The following SUMF1 variants were observed in gnomAD, a reference collection of about 807,000 sequenced individuals.
SUMF1 encodes sulfatase modifying factor 1.
SUMF1 carries 48 observed loss-of-function variants against 47.6 expected under a neutral mutation model. The ratio of observed to expected loss-of-function variants is 1.01; its 90% CI spans 0.80 to 1.28. The LOEUF is 1.28. Ranked by LOEUF, SUMF1 falls within the 50% of genes most tolerant of loss-of-function variation. SUMF1 has a pLI of 0.00. For missense variants in SUMF1, 571 were observed against 485.4 expected (o/e 1.18, Z -1.66); for synonymous variants, 230 against 192.1 (o/e 1.20, Z -1.63).
chr3:4,180,634 T>C (rs543841167), intron 8 of SUMF1, among the ~76,000 whole-genome samples: 15 of 144,636 alleles, frequency 1.0e-4, no homozygotes, highest in African/African-American at 3.3e-4. Context: ...ATGGCACATG[T>C]ATACCTATGT....
intron 8 of SUMF1, among the ~76,000 whole-genome samples, chr3:4,212,459 A>G (rs953468088): frequency 6.6e-6 from 1 of 152,180 alleles, no homozygotes; most frequent in Non-Finnish European, 1.5e-5. Context: ...ATGGGGAGAA[A>G]CAAGCACAAA....
intron 8 of SUMF1, among the ~76,000 whole-genome samples, chr3:4,215,125 G>A (rs973055472): frequency 1.3e-5 from 2 of 152,104 alleles, no homozygotes; most frequent in Non-Finnish European, 2.9e-5. Flanking sequence ...TATCCCTGAC[G>A]AACATCGATG....
intron 8 of SUMF1, among the ~76,000 whole-genome samples, chr3:4,327,576 A>G (rs1299040886): frequency 6.6e-6 from 1 of 151,632 alleles, no homozygotes; most frequent in Non-Finnish European, 1.5e-5. Flanking sequence ...ATATAATTAT[A>G]GCTGATAACA....
At chr3:4,204,190 T>G (rs75211881) in intron 8 of SUMF1, among the ~76,000 whole-genome samples, 1 of 152,230 alleles carries the variant, frequency 6.6e-6, no homozygotes, top group East Asian at 1.9e-4. Flanking sequence ...CAAAACTTCT[T>G]GGCTTTTGTT....
chr3:4,130,741 C>A (rs1693769558), intron 8 of SUMF1, among the ~76,000 whole-genome samples: 1 of 151,956 alleles, frequency 6.6e-6, no homozygotes, highest in Non-Finnish European at 1.5e-5. Context: ...TGCCTAGTGA[C>A]CCTATTTGGA....
At chr3:4,376,962 AT>A (rs1350829783) in intron 7 of SUMF1, among the ~76,000 whole-genome samples, 2 of 151,814 alleles carry the variant, frequency 1.3e-5, no homozygotes, top group African/African-American at 4.8e-5. Context: ...TGCCCAGCTA[AT>A]TTTTAAAAAT....
intron 3 of SUMF1, among the ~76,000 whole-genome samples, chr3:4,435,722 T>C (rs569081609): frequency 2.6e-4 from 40 of 152,228 alleles, no homozygotes; most frequent in African/African-American, 7.9e-4. Context: ...CCAGAAAAGA[T>C]TGTGAATCAA....
At chr3:4,277,159 G>A (rs928858161) in intron 8 of SUMF1, among the ~76,000 whole-genome samples, 1 of 152,094 alleles carries the variant, frequency 6.6e-6, no homozygotes. Context: ...CTGAACGTCT[G>A]TATTTTTATC....
At chr3:4,294,591 TCAA>T (rs542133758) in intron 8 of SUMF1, among the ~76,000 whole-genome samples, 4 of 152,070 alleles carry the variant, frequency 2.6e-5, no homozygotes, top group Admixed American at 2.0e-4. Flanking sequence ...AGAACCTGTC[TCAA>T]CAACAACAAC....
chr3:4,408,330 T>C (rs1043029948), intron 7 of SUMF1, among the ~76,000 whole-genome samples: 1 of 152,248 alleles, frequency 6.6e-6, no homozygotes, highest in Admixed American at 6.5e-5. Flanking sequence ...TTTGTTCTTT[T>C]TCTTTGGCTA....
rs566354170 is a variant in SUMF1 at position 4,053,457 on chromosome 3, G to T, written c.1191+15112C>A. Among the ~76,000 whole-genome samples, 43 of 152,292 alleles carry T rather than the reference G, an allele frequency of 2.8e-4. 1 individual carries two copies. In the South Asian group the frequency reaches 8.5e-3, roughly 30 times the overall value. On this transcript the variant is annotated intron_variant and NMD_transcript_variant, in intron 9 of 12. Coordinates refer to the SUMF1 transcript ENST00000448413. ...TGCTGTTGGATAAATGGCACCAATAGCCTTGCTTTACGCAAGGTTGCCACA... is the reference window on the plus strand; with the variant it reads ...TGCTGTTGGATAAATGGCACCAATATCCTTGCTTTACGCAAGGTTGCCACA...
intron 7 of SUMF1, among the ~76,000 whole-genome samples, chr3:4,392,038 G>A (rs1037956991): frequency 1.3e-5 from 2 of 151,782 alleles, no homozygotes; most frequent in African/African-American, 4.8e-5. Context: ...ATGTTACCAG[G>A]GTTGGTCTCA....
At chr3:4,271,427 T>C (rs947712407) in intron 8 of SUMF1, among the ~76,000 whole-genome samples, 2 of 152,106 alleles carry the variant, frequency 1.3e-5, no homozygotes, top group African/African-American at 4.8e-5. Flanking sequence ...CTTGACTGAA[T>C]GTTTAAAAAT....
intron 8 of SUMF1, among the ~76,000 whole-genome samples, chr3:4,183,419 A>G (rs1172142359): frequency 2.0e-5 from 3 of 152,194 alleles, no homozygotes; most frequent in African/African-American, 4.8e-5. Context: ...TGACAGTATC[A>G]TTTTCTTATT....
chr3:4,211,710 A>G (rs550223832), intron 8 of SUMF1, among the ~76,000 whole-genome samples: 2 of 152,268 alleles, frequency 1.3e-5, no homozygotes, highest in South Asian at 4.1e-4. Flanking sequence ...CCACAATTAA[A>G]TATCACTTCA....
At chr3:4,387,402 C>G (rs75338401) in intron 7 of SUMF1, among the ~76,000 whole-genome samples, 8,528 of 151,988 alleles carry the variant, frequency 0.056, 287 homozygotes, top group African/African-American at 0.092. Flanking sequence ...ACAGTATTCC[C>G]TCATTATCCT....
chr3:4,353,402 GC>G (rs1268669277), intron 8 of SUMF1, among the ~76,000 whole-genome samples: 1 of 152,066 alleles, frequency 6.6e-6, no homozygotes, highest in Non-Finnish European at 1.5e-5. Flanking sequence ...ACAGGCACCC[GC>G]CACCACGCCC....
intron 8 of SUMF1, among the ~76,000 whole-genome samples, chr3:4,132,705 G>A (rs1693821112): frequency 6.6e-6 from 1 of 152,056 alleles, no homozygotes; most frequent in Non-Finnish European, 1.5e-5. Flanking sequence ...ATTGCCACCT[G>A]GACACTTTGG....
At chr3:4,048,006 C>G (rs987981537) in intron 9 of SUMF1, among the ~76,000 whole-genome samples, 5 of 152,088 alleles carry the variant, frequency 3.3e-5, no homozygotes, top group Non-Finnish European at 1.5e-5. Context: ...AGAAGAGGCA[C>G]CTTCCCCAAG....
Sources: allele counts gnomAD v4.1 joint callset (sites outside exome capture counted in the v4.1 genomes callset), GRCh38; gene constraint gnomAD v4.1.1; transcripts MANE v1.5; gene names NCBI Gene and HGNC (gene_info 2026-07-23, HGNC 2026-07-21).